Variants in CENPE observed in about 807,000 individuals in gnomAD.
CENPE encodes centromere protein E.
A neutral mutation model predicts 336.1 loss-of-function variants in CENPE; 145 were observed. The ratio of observed to expected loss-of-function variants is 0.43; its 90% CI spans 0.38 to 0.50. The LOEUF is 0.50. Ranked by LOEUF, CENPE falls within the 20% of genes least tolerant of loss-of-function variation. CENPE has a pLI of 0.00. For synonymous variants in CENPE, 1,013 were observed against 984.8 expected (o/e 1.03, Z -0.54); for missense variants, 2,719 against 3,023.3 (o/e 0.90, Z 2.36).
intron 15 of CENPE, among the ~76,000 whole-genome samples, chr4:103,175,369 G>C (rs570800661): frequency 1.3e-5 from 2 of 151,640 alleles, no homozygotes; most frequent in South Asian, 4.2e-4. Flanking sequence ...TTACACCAGA[G>C]ATTGTAAAAA....
In CENPE at chr4:103,136,168, T is replaced by C. The variant is rs1379243147; in HGVS notation, c.6495A>G (p.Glu2165=). The change falls in exon 40 of 49, where the codon GAA becomes GAG. Residue 2165 remains glutamate, a synonymous_variant. Coordinates refer to ENST00000265148, the MANE Select transcript of CENPE (RefSeq NM_001813.3). Reference sequence around the variant, plus strand: ...TCAGTTTCTTCATGATTCTGTGGAATTCCATGGAGCATCTCTGGTTTGCAG... The same window carrying C: ...TCAGTTTCTTCATGATTCTGTGGAACTCCATGGAGCATCTCTGGTTTGCAG... ...LFTANQRCSM[E]FHRIMKKLKY... is the part of the protein sequence containing the mutation. 6.2e-7 allele frequency: 1 copy of C among 1,613,650 alleles called. No homozygotes were observed. Among genetic ancestry groups the C allele is most frequent in the Non-Finnish European group, 8.5e-7 (1 of 1,179,742 alleles).
At chr4:103,174,105 T>G (rs1755655280) in intron 16 of CENPE, among the ~76,000 whole-genome samples, 1 of 150,378 alleles carries the variant, frequency 6.6e-6, no homozygotes, top group Non-Finnish European at 1.5e-5. Flanking sequence ...AACCTAAGAG[T>G]CTACCAACAG....
chr4:103,139,752 T>A (rs375821691), intron 38 of CENPE, 37 bp downstream of exon 38: 599 of 1,516,288 alleles, frequency 4.0e-4, no homozygotes, highest in Non-Finnish European at 5.1e-4. Context: ...TTAATTCTTA[T>A]TAATAGTTAC....
At chr4:103,189,904 G>A (rs1386273463) in intron 8 of CENPE, among the ~76,000 whole-genome samples, 3 of 152,102 alleles carry the variant, frequency 2.0e-5, no homozygotes, top group Non-Finnish European at 4.4e-5. Context: ...CATCGTCTCA[G>A]CCCAAAATCT....
intron 42 of CENPE, among the ~76,000 whole-genome samples, chr4:103,123,344 T>C (rs1750808601): frequency 6.6e-6 from 1 of 152,172 alleles, no homozygotes; most frequent in African/African-American, 2.4e-5. Context: ...ATACACTACT[T>C]GTTCACTTGA....
At chr4:103,169,003 T>C (rs1755161106) in intron 16 of CENPE, among the ~76,000 whole-genome samples, 1 of 152,150 alleles carries the variant, frequency 6.6e-6, no homozygotes, top group Non-Finnish European at 1.5e-5. Flanking sequence ...GGAGATGTAT[T>C]ATCTGCCAAA....
At chr4:103,165,606 C>G in intron 16 of CENPE, among the ~76,000 whole-genome samples, 1 of 152,068 alleles carries the variant, frequency 6.6e-6, no homozygotes, top group Non-Finnish European at 1.5e-5. Context: ...TTTAGTTTAA[C>G]ATGGACTAGA....
At chr4:103,130,838 C>A (rs1382601568) in intron 42 of CENPE, among the ~76,000 whole-genome samples, 1 of 150,934 alleles carries the variant, frequency 6.6e-6, no homozygotes, top group African/African-American at 2.4e-5. Context: ...AGAAATAGAT[C>A]CCACATAGTC....
chr4:103,109,078 T>C lies in CENPE; in HGVS notation c.7736A>G (p.His2579Arg), dbSNP rs1464330367. Residue 2579 changes from histidine (H) to arginine (R), a missense_variant, in exon 48 of 49, where the codon CAT becomes CGT. Physicochemically the swap from His to Arg is conservative, Grantham distance 29. Around this residue, in one of 5 missense-constraint regions of CENPE, gnomAD observed 2,437 missense variants for 2,513.3 expected, o/e 0.97. Transcript: ENST00000265148. ...CCAAGTTTTGACCTCATTGGAAAGA[T>C]GCTGATTATTGCTTAAATGTGGGGG... Reference protein sequence around the residue: ...QKNELLSNNQHLSNEVKTWKE... With the variant: ...QKNELLSNNQRLSNEVKTWKE... 1.2e-5 allele frequency: 20 copies of C among 1,606,384 alleles called. No homozygotes were observed. The highest frequency in any genetic ancestry group is 1.7e-5 in the Non-Finnish European group (20 of 1,176,712).
intron 18 of CENPE, 27 bp downstream of exon 18, chr4:103,163,110 A>G: frequency 6.3e-7 from 1 of 1,590,580 alleles, no homozygotes; most frequent in Non-Finnish European, 8.6e-7. Context: ...TTATGTGATT[A>G]CACAACAAAA....
intron 18 of CENPE, 58 bp from the exon 19 acceptor site, chr4:103,161,515 C>A: frequency 2.0e-6 from 3 of 1,482,216 alleles, no homozygotes; most frequent in East Asian, 2.3e-5. Flanking sequence ...TTGGAAAATT[C>A]TTAAGAGAAC....
chr4:103,174,542 T>G (rs1755690586), intron 16 of CENPE, among the ~76,000 whole-genome samples, 194 bp downstream of exon 16: 1 of 152,060 alleles, frequency 6.6e-6, no homozygotes, highest in Non-Finnish European at 1.5e-5. Flanking sequence ...AGGTAGTACA[T>G]TTGTTAGCTA....
rs1360940033 is a variant in CENPE at position 103,139,935 on chromosome 4, T to C, written c.6058A>G (p.Asn2020Asp). Reference protein sequence around the residue: ...NLSMQSVRMDNFQLTKKLHES... With the variant: ...NLSMQSVRMDDFQLTKKLHES... ...TGAAGTTTCTTAGTCAACTGGAAGT[T>C]ATCCATTCTCACACTTTGCATAGAT... Residue 2020 changes from asparagine (N) to aspartate (D), a missense_variant, in exon 38 of 49, where the codon AAC becomes GAC. This residue lies in a region of CENPE where 2,437 missense variants were observed against 2,513.3 expected (regional missense o/e 0.97). Transcript: ENST00000265148. 2 of 1,613,430 alleles carry C rather than the reference T, an allele frequency of 1.2e-6. No individual in the cohort carries two copies. The highest frequency in any genetic ancestry group is 1.7e-4 in the Middle Eastern group (1 of 6,054).
intron 8 of CENPE, among the ~76,000 whole-genome samples, chr4:103,187,922 T>C (rs1756942404): frequency 6.6e-6 from 1 of 151,816 alleles, no homozygotes; most frequent in Middle Eastern, 3.4e-3. Flanking sequence ...GAGACACACA[T>C]AGGCTCAAAA....
Position 103,158,431 on chromosome 4 carries a change from T to G in CENPE, c.2902A>C (p.Asn968His). 1 of 1,592,112 alleles carries G rather than the reference T, an allele frequency of 6.3e-7. No homozygotes were observed. The highest frequency in any genetic ancestry group is 1.3e-5 in the African/African-American group (1 of 74,094). The change falls in exon 24 of 49, where the codon AAT (asparagine) becomes CAT (histidine). Residue 968 changes from asparagine to histidine, a missense_variant. Transcript: ENST00000265148. The stretch of plus-strand genomic sequence containing the variant: ...TGTTGTTTCAGAGACTCAAGAGCAT[T>G]TCGTAATTGTTCTTGAGTATCTATA... The part of the protein sequence containing the change: ...MNIDTQEQLR[N>H]ALESLKQHQE...
chr4:103,127,114 CAAAAAAACCCCCGA>C (rs1307878983), intron 42 of CENPE, among the ~76,000 whole-genome samples: 2 of 123,112 alleles, frequency 1.6e-5, no homozygotes, highest in East Asian at 4.7e-4. Context: ...AAAAAAAAAC[CAAAAAAACCCCCGA>C]AAAAAAACCC....
In CENPE at chr4:103,147,345, A is replaced by G; in HGVS notation, c.4134+11T>C. The G allele has an allele frequency of 6.3e-7, 1 of 1,585,188 alleles. No individual in the cohort carries two copies. On this transcript the variant is annotated intron_variant, in intron 29 of 48. Transcript: ENST00000265148. ...ACACTTGTTAAAATGGGAGGAAAAT[A>G]CGAAACTTACTTTAGCCAAAGTTTC...
At chr4:103,155,601 T>C (rs1451452246) in intron 24 of CENPE, among the ~76,000 whole-genome samples, 3 of 152,124 alleles carry the variant, frequency 2.0e-5, no homozygotes, top group Non-Finnish European at 4.4e-5. Flanking sequence ...GCATAAGCCA[T>C]TGTGTTGAGG....
At chr4:103,137,778 T>C (rs764342639) in intron 39 of CENPE, among the ~76,000 whole-genome samples, 1 of 152,186 alleles carries the variant, frequency 6.6e-6, no homozygotes, top group Non-Finnish European at 1.5e-5. Flanking sequence ...GTGATTGAAA[T>C]CAGTCTTTAT....
Sources: allele counts gnomAD v4.1 joint callset (sites outside exome capture counted in the v4.1 genomes callset), GRCh38; gene constraint gnomAD v4.1.1; regional missense constraint gnomAD v4.1.1; transcripts MANE v1.5; gene names NCBI Gene and HGNC (gene_info 2026-07-23, HGNC 2026-07-21).